The following GRB14 variants were observed in gnomAD, a reference collection of about 807,000 sequenced individuals.
GRB14 encodes the protein growth factor receptor bound protein 14, also known as growth factor receptor-bound protein 14.
In GRB14, 38 loss-of-function variants were observed where a neutral mutation model predicts 69.1. The observed-to-expected ratio is 0.55, with a 90% confidence interval of 0.42 to 0.72. The LOEUF (loss-of-function observed/expected upper bound fraction) is 0.72. Among genes scored for constraint, GRB14 ranks in the 30% least tolerant of loss-of-function variants. GRB14 has a pLI of 0.00. For synonymous variants in GRB14, 247 were observed against 241.3 expected (o/e 1.02, Z -0.22); for missense variants, 666 against 666.1 (o/e 1.00, Z 0.00).
chr2:164,531,655 C>A (rs768759251), intron 3 of GRB14, among the ~76,000 whole-genome samples: 2 of 152,074 alleles, frequency 1.3e-5, no homozygotes, highest in Non-Finnish European at 2.9e-5. Context: ...AGAAAGGAGG[C>A]AGAGTTAAAG....
At chr2:164,553,134 C>T (rs985874111) in intron 2 of GRB14, among the ~76,000 whole-genome samples, 2 of 152,124 alleles carry the variant, frequency 1.3e-5, no homozygotes, top group Non-Finnish European at 2.9e-5. Context: ...TTTGCATGTT[C>T]TATCTCTTAT....
chr2:164,505,161 A>G (rs1303606531), intron 8 of GRB14, among the ~76,000 whole-genome samples: 1 of 152,210 alleles, frequency 6.6e-6, no homozygotes, highest in African/African-American at 2.4e-5. Flanking sequence ...GTAATTTGTT[A>G]CAGCAGTCAT....
chr2:164,578,322 T>C lies in GRB14; in HGVS notation c.325-30506A>G, dbSNP rs536307234. ...CTAAAAGGAATTACAAAAACAATTT[T>C]GACTCATAAATATTTTAATGCTATA... On this transcript the variant is annotated intron_variant, in intron 2 of 13. Coordinates refer to ENST00000263915, the MANE Select transcript of GRB14 (RefSeq NM_004490.3). 3.2e-4 allele frequency among the ~76,000 whole-genome samples: 48 copies of C among 152,090 alleles called. 1 individual carries two copies. The highest frequency in any genetic ancestry group is 1.8e-4 in the Non-Finnish European group (12 of 68,028).
intron 2 of GRB14, among the ~76,000 whole-genome samples, chr2:164,561,041 G>C (rs1038793533): frequency 6.6e-6 from 1 of 152,070 alleles, no homozygotes; most frequent in African/African-American, 2.4e-5. Context: ...ACAGCCATGA[G>C]AGCCAGCCCT....
At chr2:164,618,255 T>G (rs1690357001) in intron 2 of GRB14, among the ~76,000 whole-genome samples, 1 of 150,418 alleles carries the variant, frequency 6.6e-6, no homozygotes, top group Non-Finnish European at 1.5e-5. Flanking sequence ...ATTACAGGCG[T>G]GAGCCACCGC....
At chr2:164,514,660 G>C (rs550383292) in intron 6 of GRB14, among the ~76,000 whole-genome samples, 1 of 152,176 alleles carries the variant, frequency 6.6e-6, no homozygotes, top group South Asian at 2.1e-4. Flanking sequence ...GCTGAACTTT[G>C]TAACAATTTC....
intron 9 of GRB14, among the ~76,000 whole-genome samples, chr2:164,497,876 T>C (rs1686945735): frequency 6.6e-6 from 1 of 152,184 alleles, no homozygotes; most frequent in South Asian, 2.1e-4. Flanking sequence ...AGATACATTG[T>C]TTCTGAATTG....
At chr2:164,533,304 C>A (rs1288861144) in intron 3 of GRB14, among the ~76,000 whole-genome samples, 2 of 135,474 alleles carry the variant, frequency 1.5e-5, no homozygotes, top group East Asian at 4.5e-4. Context: ...GCAATCTCGG[C>A]TCACTGCAAG....
At chr2:164,501,136 T>C (rs1687040544) in intron 9 of GRB14, among the ~76,000 whole-genome samples, 1 of 152,144 alleles carries the variant, frequency 6.6e-6, no homozygotes. Context: ...TGATTGCTTT[T>C]ATAAAAATTC....
At chr2:164,506,529 A>C (rs993603618) in intron 8 of GRB14, among the ~76,000 whole-genome samples, 15 of 152,208 alleles carry the variant, frequency 9.9e-5, no homozygotes, top group Admixed American at 9.2e-4. Flanking sequence ...TGGTTCAGCC[A>C]CTGTGGAAAA....
At position 164,621,051 on chromosome 2, in the gene GRB14, ACCG is replaced by A; in HGVS notation, c.191+65_191+67del. ...CTGGGCACATGGCTCACCCCCTAGG[ACCG>A]CCTCCTCACCCCCTCGCCGGCTGCC... On this transcript the variant is annotated intron_variant, in intron 1 of 13. Transcript: ENST00000263915. The surrounding 1 kb of genome is among the most constrained non-coding windows in gnomAD (Gnocchi z 6.0). 1.6e-6 allele frequency: 2 copies of A among 1,213,600 alleles called. No homozygotes were observed. The highest frequency in any genetic ancestry group is 2.1e-6 in the Non-Finnish European group (2 of 960,730). The allele number at this position is 1,213,600 out of a possible 1,614,324, so 75.2% of individuals were successfully genotyped here.
chr2:164,509,200 C>T (rs759989056), intron 6 of GRB14, among the ~76,000 whole-genome samples: 3 of 152,166 alleles, frequency 2.0e-5, no homozygotes, highest in Non-Finnish European at 4.4e-5. Context: ...TATTCCTCAT[C>T]CAGCTTTCAA....
intron 2 of GRB14, among the ~76,000 whole-genome samples, chr2:164,553,534 T>A (rs1326831633): frequency 6.6e-6 from 1 of 152,232 alleles, no homozygotes; most frequent in African/African-American, 2.4e-5. Context: ...AATAACGGAA[T>A]TATATTTAGG....
intron 5 of GRB14, among the ~76,000 whole-genome samples, chr2:164,523,500 T>G (rs1041568823): frequency 6.6e-6 from 1 of 152,034 alleles, no homozygotes; most frequent in African/African-American, 2.4e-5. Context: ...TAAAATAGTG[T>G]AACACATTTT....
chr2:164,565,853 T>C (rs998094034), intron 2 of GRB14, among the ~76,000 whole-genome samples: 2 of 152,194 alleles, frequency 1.3e-5, no homozygotes, highest in African/African-American at 2.4e-5. Flanking sequence ...GTACTTTCTC[T>C]GCTACAAAAT....
rs143833169 is a variant in GRB14, at chr2:164,520,650, A to G, written c.816+1330T>C. Reference sequence around the variant, plus strand: ...TCCAGAATCTACAAGGAACTCAAACAAATCAGCAAGAAAAAAAACAAAGAA... The same window carrying G: ...TCCAGAATCTACAAGGAACTCAAACGAATCAGCAAGAAAAAAAACAAAGAA... On this transcript the variant is annotated intron_variant, in intron 6 of 13. Transcript: ENST00000263915. Among the ~76,000 whole-genome samples the G allele has an allele frequency of 3.9e-5, 6 of 152,258 alleles. No homozygotes were observed. The East Asian group carries it at 1.2e-3, about 29-fold the overall frequency.
At position 164,492,815 on chromosome 2, in the gene GRB14, A is replaced by AT. The variant is rs894576505; in HGVS notation, c.*220dup. Reference sequence around the variant, plus strand: ...AAATCACACAAGAACACACCAAGTCATTTTTTTCCTAAGGTTTAATTTTAA... The same window carrying AT: ...AAATCACACAAGAACACACCAAGTCATTTTTTTTCCTAAGGTTTAATTTTAA... On this transcript the variant is annotated 3_prime_UTR_variant, in exon 14 of 14. Transcript: ENST00000263915. The AT allele has an allele frequency of 2.6e-5, 11 of 415,778 alleles. No individual in the cohort carries two copies. Among genetic ancestry groups the AT allele is most frequent in the Non-Finnish European group, 4.7e-5 (11 of 236,458 alleles). The allele number at this position is 415,778 out of a possible 1,614,324, so 25.8% of individuals were successfully genotyped here. A position where few individuals can be genotyped will look rare whatever the true frequency, so the allele number is the denominator to read the frequency against.
chr2:164,567,327 T>C (rs1385629644), intron 2 of GRB14, among the ~76,000 whole-genome samples: 1 of 152,116 alleles, frequency 6.6e-6, no homozygotes, highest in East Asian at 1.9e-4. Context: ...AAATTAAAAA[T>C]AGTAAAGAGG....
chr2:164,580,655 G>C (rs1410594130), intron 2 of GRB14, among the ~76,000 whole-genome samples: 1 of 151,014 alleles, frequency 6.6e-6, no homozygotes, highest in Admixed American at 6.6e-5. Flanking sequence ...AGTGAGCCAA[G>C]ATTGTGCCAC....
Sources: gnomAD v4.1 joint callset for allele counts (sites outside exome capture counted in the v4.1 genomes callset) on GRCh38, gnomAD v4.1.1 for gene constraint, Gnocchi (gnomAD v3.1) non-coding constraint, MANE v1.5 for transcripts, NCBI Gene and HGNC (gene_info 2026-07-23, HGNC 2026-07-21) for gene names.